The following USH2A variants were observed in gnomAD, a reference collection of about 807,000 sequenced individuals.
USH2A encodes usherin, also known as Usher syndrome 2A (autosomal recessive, mild).
USH2A carries 443 observed loss-of-function variants against 538.9 expected under a neutral mutation model. That is an observed-to-expected ratio of 0.82 (90% CI 0.76 to 0.89). The LOEUF (loss-of-function observed/expected upper bound fraction) is 0.89, where lower values mean the gene tolerates loss of function less well. Among genes scored for constraint, USH2A ranks in the 40% least tolerant of loss-of-function variants. The pLI is 0.00. For missense variants in USH2A, 6,633 were observed against 6,324.8 expected (o/e 1.05, Z -1.65); for synonymous variants, 2,413 against 2,273.5 (o/e 1.06, Z -1.75).
chr1:216,265,342 A>G (rs1027694540), intron 11 of USH2A, among the ~76,000 whole-genome samples: 5 of 152,130 alleles, frequency 3.3e-5, no homozygotes, highest in African/African-American at 1.2e-4. Context: ...ATGACAAAAA[A>G]TAACAAATGC....
chr1:215,837,853 T>G, intron 47 of USH2A, 138 bp downstream of exon 47: 1 of 737,822 alleles, frequency 1.4e-6, no homozygotes, highest in Non-Finnish European at 2.4e-6. Flanking sequence ...TGTGAAATAA[T>G]ATCAAAAATT....
chr1:216,412,457 A>T (rs945595729), intron 3 of USH2A, among the ~76,000 whole-genome samples: 2 of 152,072 alleles, frequency 1.3e-5, no homozygotes, highest in Non-Finnish European at 2.9e-5. Flanking sequence ...TCTTTAAGCC[A>T]TTGTAGTCTA....
At chr1:215,669,909 G>C (rs1409479918) in intron 64 of USH2A, among the ~76,000 whole-genome samples, 2 of 152,096 alleles carry the variant, frequency 1.3e-5, no homozygotes, top group Non-Finnish European at 2.9e-5. Flanking sequence ...AGTATTTCAT[G>C]TTATAATAAG....
At chr1:215,826,920 T>G (rs1382863921) in intron 47 of USH2A, among the ~76,000 whole-genome samples, 4 of 152,128 alleles carry the variant, frequency 2.6e-5, no homozygotes, top group Non-Finnish European at 5.9e-5. Context: ...TTAATAAACT[T>G]AGGGGATTAA....
chr1:215,901,412 T>C lies in USH2A; in HGVS notation c.7301-507A>G, dbSNP rs191608589. ...AGGGAAGTTAGCTAAAATTGTATTT[T>C]TCTGGAATGATAAATAAACATGAAT... On this transcript the variant is annotated intron_variant, in intron 38 of 71. Coordinates refer to ENST00000307340, the MANE Select transcript of USH2A (RefSeq NM_206933.4). The C allele has an allele frequency of 5.2e-3, 1,035 of 200,676 alleles. 10 individuals are homozygous for C. Among genetic ancestry groups the C allele is most frequent in the African/African-American group, 0.023 (988 of 42,302 alleles). The allele number at this position is 200,676 out of a possible 1,614,324, so 12.4% of individuals were successfully genotyped here. A position where few individuals can be genotyped will look rare whatever the true frequency, so the allele number is the denominator to read the frequency against.
chr1:216,222,910 G>A lies in USH2A; in HGVS notation c.2994-5360C>T, dbSNP rs79134717. 3.1e-3 allele frequency among the ~76,000 whole-genome samples: 476 copies of A among 151,374 alleles called. 4 individuals are homozygous for A. The highest frequency in any genetic ancestry group is 0.011 in the African/African-American group (444 of 41,246). On this transcript the variant is annotated intron_variant, in intron 14 of 71. Transcript: ENST00000307340. ...GGAGAATCATTTGAACCCAGGAGGC[G>A]GAGGTTGTGGTGAGCCGAGATTGCA... is the stretch of plus-strand genomic sequence containing the variant.
At chr1:215,881,152 T>C (rs1308614071) in intron 41 of USH2A, among the ~76,000 whole-genome samples, 1 of 152,168 alleles carries the variant, frequency 6.6e-6, no homozygotes, top group African/African-American at 2.4e-5. Context: ...GTTTTTTCTT[T>C]TTTTTTAAGA....
chr1:215,634,728 G>A lies in USH2A; in HGVS notation c.15053-25C>T, dbSNP rs113415346. ...CCTGCAAAACCCAGAGAAAGAAAGG[G>A]GAAATGTTATTTCAGAAAGCATTTT... On this transcript the variant is annotated intron_variant, in intron 69 of 71. Coordinates refer to ENST00000307340, the MANE Select transcript of USH2A (RefSeq NM_206933.4). 42 of 1,614,080 alleles carry A rather than the reference G, an allele frequency of 2.6e-5. 1 individual carries two copies. In the Middle Eastern group the frequency reaches 4.9e-4, roughly 19 times the overall value.
rs143082691 is a variant in USH2A, at chr1:215,788,396, C to T, written c.10183-1522G>A. Among the ~76,000 whole-genome samples the T allele has an allele frequency of 6.3e-3, 963 of 152,178 alleles. 8 individuals are homozygous for T. Among genetic ancestry groups the T allele is most frequent in the African/African-American group, 0.022 (899 of 41,500 alleles). On this transcript the variant is annotated intron_variant, in intron 51 of 71. Transcript: ENST00000307340. ...GTCTGTGTGCAATTGTCCCCTCTTG[C>T]GCCTTTTCCATTATGATCCAAGGGC... is the stretch of plus-strand genomic sequence containing the variant.
intron 55 of USH2A, among the ~76,000 whole-genome samples, chr1:215,778,509 G>A (rs1571677590): frequency 6.6e-6 from 1 of 152,290 alleles, no homozygotes; most frequent in East Asian, 1.9e-4. Flanking sequence ...TTAGGGAATT[G>A]TGGCATTTAA....
At position 215,903,176 on chromosome 1, in the gene USH2A, C is replaced by T. The variant is rs534385941; in HGVS notation, c.7301-2271G>A. On this transcript the variant is annotated intron_variant, in intron 38 of 71. Coordinates refer to ENST00000307340, the MANE Select transcript of USH2A (RefSeq NM_206933.4). Reference sequence around the variant, plus strand: ...GAAGAACGTATCAGCTGTATCAACTCGGCTGAGAGTTTAAGGAGGAAGAAG... The same window carrying T: ...GAAGAACGTATCAGCTGTATCAACTTGGCTGAGAGTTTAAGGAGGAAGAAG... Among the ~76,000 whole-genome samples the T allele has an allele frequency of 3.0e-4, 46 of 152,144 alleles. 1 individual carries two copies. The highest frequency in any genetic ancestry group is 2.5e-3 in the Admixed American group (38 of 15,256).
At chr1:215,963,982 G>A (rs1408864666) in intron 37 of USH2A, among the ~76,000 whole-genome samples, 4 of 152,082 alleles carry the variant, frequency 2.6e-5, no homozygotes, top group Admixed American at 6.6e-5. Context: ...AGGGCTGTTC[G>A]GTAAATGGGT....
chr1:216,377,862 AGAAAGAAG>A (rs1354467485), intron 3 of USH2A, among the ~76,000 whole-genome samples: 11 of 142,362 alleles, frequency 7.7e-5, no homozygotes, highest in African/African-American at 2.1e-4. Context: ...AAAGAAAGAA[AGAAAGAAG>A]GAAAGAAAGA....
In USH2A at chr1:216,421,862, G is replaced by A. The variant is rs1558081965; in HGVS notation, c.475C>T (p.Gln159Ter). The part of the protein sequence containing the change: ...TLAVWLKPEQ[Q>*]GVMCVIEKTV... ...TACACTACTACTTACATTACACCTT[G>A]TTGCTCAGGTTTCAGCCATACAGCT... The change falls in exon 2 of 72, where the codon CAA becomes TAA. Residue 159 changes from glutamine to a stop codon, truncating the protein, a stop_gained. Transcript: ENST00000307340. LOFTEE classifies it high-confidence loss of function. 2.5e-6 allele frequency: 4 copies of A among 1,613,880 alleles called. No individual in the cohort carries two copies. The highest frequency in any genetic ancestry group is 1.7e-6 in the Non-Finnish European group (2 of 1,179,870).
intron 62 of USH2A, among the ~76,000 whole-genome samples, chr1:215,678,636 GC>G (rs1415762167): frequency 6.6e-6 from 1 of 151,792 alleles, no homozygotes; most frequent in Non-Finnish European, 1.5e-5. Flanking sequence ...TAATTCCCTT[GC>G]TTATTTATTT....
At chr1:215,632,478 C>T (rs1037641122) in intron 70 of USH2A, among the ~76,000 whole-genome samples, 2 of 152,176 alleles carry the variant, frequency 1.3e-5, no homozygotes, top group African/African-American at 4.8e-5. Context: ...AGTGTTCTTC[C>T]TCATGGAGGA....
Position 216,344,404 on chromosome 1 carries a change from G to C in USH2A, c.785-16750C>G, listed in dbSNP as rs187735106. Among the ~76,000 whole-genome samples the C allele has an allele frequency of 9.3e-4, 141 of 152,172 alleles. 1 individual carries two copies. The highest frequency in any genetic ancestry group is 3.3e-3 in the African/African-American group (135 of 41,520). Reference sequence around the variant, plus strand: ...CAAGAAGCCACCACATACATGTATGGTCACACAAACCACCTAATTTGCTCA... The same window carrying C: ...CAAGAAGCCACCACATACATGTATGCTCACACAAACCACCTAATTTGCTCA... On this transcript the variant is annotated intron_variant, in intron 4 of 71. Coordinates refer to ENST00000307340, the MANE Select transcript of USH2A (RefSeq NM_206933.4).
rs1290832319 is a variant in USH2A, at chr1:215,868,917, T to C, written c.8682-1747A>G. On this transcript the variant is annotated intron_variant, in intron 43 of 71. Coordinates refer to ENST00000307340, the MANE Select transcript of USH2A (RefSeq NM_206933.4). The stretch of plus-strand genomic sequence containing the variant: ...CCAGAATACAAACTGGTTTGCAACT[T>C]CTTATATCCAGACCTGTGAGAGAAT... Among the ~76,000 whole-genome samples, 6 of 152,364 alleles carry C rather than the reference T, an allele frequency of 3.9e-5. No homozygotes were observed. In the South Asian group the frequency reaches 8.3e-4, roughly 21 times the overall value.
chr1:215,767,581 T>C (rs1661168853), intron 55 of USH2A, among the ~76,000 whole-genome samples: 1 of 152,176 alleles, frequency 6.6e-6, no homozygotes. Flanking sequence ...GTATGGTAAT[T>C]GTTCAGTAAG....
Sources: gnomAD v4.1 joint callset for allele counts (sites outside exome capture counted in the v4.1 genomes callset) on GRCh38, gnomAD v4.1.1 for gene constraint, MANE v1.5 for transcripts, NCBI Gene and HGNC (gene_info 2026-07-23, HGNC 2026-07-21) for gene names.